Variants in LRP6 observed in about 807,000 individuals in gnomAD.
LRP6 encodes the protein low-density lipoprotein receptor-related protein 6.
In LRP6, 43 loss-of-function variants were observed where a neutral mutation model predicts 184.1. The ratio of observed to expected loss-of-function variants is 0.23; its 90% CI spans 0.18 to 0.30. The LOEUF is 0.30. Ranked by LOEUF, LRP6 falls within the 10% of genes least tolerant of loss-of-function variation. The pLI is 1.00. For synonymous variants in LRP6, 719 were observed against 684.9 expected, an observed-to-expected ratio of 1.05 and a Z score of -0.78; for missense variants, 1,571 against 2,005.3, an observed-to-expected ratio of 0.78 and a Z score of 4.14.
At chr12:12,265,377 T>C (rs1432061824) in intron 1 of LRP6, among the ~76,000 whole-genome samples, 1 of 152,170 alleles carries the variant, frequency 6.6e-6, no homozygotes, top group African/African-American at 2.4e-5. Context: ...GCTGCATTAC[T>C]ACAGAGTAAC....
At chr12:12,215,008 C>G (rs1864303136) in intron 2 of LRP6, among the ~76,000 whole-genome samples, 1 of 152,152 alleles carries the variant, frequency 6.6e-6, no homozygotes, top group African/African-American at 2.4e-5. Context: ...CTATATGAAC[C>G]CTTCGTTTTA....
intron 3 of LRP6, among the ~76,000 whole-genome samples, chr12:12,188,903 G>A (rs1863544393): frequency 6.6e-6 from 1 of 152,082 alleles, no homozygotes; most frequent in Admixed American, 6.6e-5. Flanking sequence ...TGGAAACAGA[G>A]AGAGAACTGA....
rs929317848 is a variant in LRP6 at position 12,194,350 on chromosome 12, C to T, written c.648-7231G>A. On this transcript the variant is annotated intron_variant, in intron 3 of 22. Coordinates refer to ENST00000261349, the MANE Select transcript of LRP6 (RefSeq NM_002336.3). Reference sequence around the variant, plus strand: ...TATAAGGCAAACACTCTTGTAACCACGAATTCACTCAGATGAAGGAAAAAA... The same window carrying T: ...TATAAGGCAAACACTCTTGTAACCATGAATTCACTCAGATGAAGGAAAAAA... Among the ~76,000 whole-genome samples the T allele has an allele frequency of 2.6e-5, 4 of 152,078 alleles. No individual in the cohort carries two copies. In the South Asian group the frequency reaches 8.3e-4, roughly 32 times the overall value.
chr12:12,266,855 C>A lies in LRP6; in HGVS notation c.-120G>T, dbSNP rs904907239. On this transcript the variant is annotated 5_prime_UTR_variant, in exon 1 of 23. Coordinates refer to ENST00000261349, the MANE Select transcript of LRP6 (RefSeq NM_002336.3). ...ACGCTCATACTTCCCAGCTTCCCAG[C>A]GAGAGAAGAAAGAAAGGGGCACGTC... The A allele has an allele frequency of 5.9e-6, 5 of 850,058 alleles. No homozygotes were observed. The highest frequency in any genetic ancestry group is 9.8e-6 in the Non-Finnish European group (5 of 510,946). 52.7% of individuals were successfully genotyped at this position (850,058 alleles called of 1,614,324 possible).
chr12:12,206,098 T>C (rs1001288501), intron 2 of LRP6, among the ~76,000 whole-genome samples: 3 of 152,348 alleles, frequency 2.0e-5, no homozygotes, highest in Admixed American at 6.5e-5. Context: ...CTATCTTATA[T>C]AGCCCAGGTG....
At chr12:12,182,903 T>C (rs1317285623) in intron 5 of LRP6, among the ~76,000 whole-genome samples, 1 of 152,220 alleles carries the variant, frequency 6.6e-6, no homozygotes, top group Non-Finnish European at 1.5e-5. Flanking sequence ...ATATGTACAC[T>C]TGCACTGCTG....
At chr12:12,187,322 A>G (rs1407930968) in intron 3 of LRP6, 2 of 579,924 alleles carry the variant, frequency 3.4e-6, no homozygotes, top group Non-Finnish European at 6.1e-6. Flanking sequence ...AAAGCCCCAA[A>G]CAAGCATTTG....
chr12:12,130,139 G>A (rs990777460), intron 19 of LRP6, among the ~76,000 whole-genome samples: 2 of 151,918 alleles, frequency 1.3e-5, no homozygotes, highest in Non-Finnish European at 2.9e-5. Context: ...AGGCCAAAGT[G>A]GGTGGATTGC....
At chr12:12,135,963 T>C (rs986755354) in intron 16 of LRP6, among the ~76,000 whole-genome samples, 23 of 152,266 alleles carry the variant, frequency 1.5e-4, no homozygotes, top group African/African-American at 5.3e-4. Flanking sequence ...GGCAGGTGGA[T>C]TGCCTGAACT....
At chr12:12,140,786 T>C (rs1218815852) in intron 15 of LRP6, among the ~76,000 whole-genome samples, 1 of 152,036 alleles carries the variant, frequency 6.6e-6, no homozygotes, top group Non-Finnish European at 1.5e-5. Flanking sequence ...GTATTTTTAG[T>C]AGATATGGGG....
intron 3 of LRP6, among the ~76,000 whole-genome samples, chr12:12,195,496 C>T (rs1442568071): frequency 6.6e-6 from 1 of 152,042 alleles, no homozygotes; most frequent in Non-Finnish European, 1.5e-5. Context: ...TATATGCCTT[C>T]TTTTGATACA....
Position 12,244,550 on chromosome 12 carries a change from G to A in LRP6, c.161C>T (p.Ala54Val). 6.2e-7 allele frequency: 1 copy of A among 1,614,158 alleles called. No homozygotes were observed. Among genetic ancestry groups the A allele is most frequent in the Non-Finnish European group, 8.5e-7 (1 of 1,180,030 alleles). Residue 54 changes from alanine to valine, a missense_variant, in exon 2 of 23, where the codon GCT (alanine) becomes GTT (valine). By Grantham distance (64) the Ala-to-Val change is moderately conservative. Coordinates refer to ENST00000261349, the MANE Select transcript of LRP6 (RefSeq NM_002336.3). ...TIVVGGLEDA[A>V]AVDFVFSHGL... is the part of the protein sequence containing the mutation. ...ATGACTAAACACAAAGTCCACCGCA[G>A]CTGCATCCTCCAAGCCTCCAACTAC...
chr12:12,235,048 T>G (rs1864897747), intron 2 of LRP6, among the ~76,000 whole-genome samples: 1 of 152,116 alleles, frequency 6.6e-6, no homozygotes, highest in African/African-American at 2.4e-5. Flanking sequence ...AGAAGAACAC[T>G]TTCCTGAGTA....
rs1320531523 is a variant in LRP6 at position 12,117,205 on chromosome 12, G to A, written c.*3921C>T. The A allele has an allele frequency of 6.6e-6, 1 of 152,008 alleles. No individual in the cohort carries two copies. The highest frequency in any genetic ancestry group is 1.5e-5 in the Non-Finnish European group (1 of 67,988). The allele number at this position is 152,008 out of a possible 1,614,324, so 9.4% of individuals were successfully genotyped here. ...AATACCAAATAAAATTAAATTCCTTGGGTTTAAGAATTCTGATAATGTTTT... is the reference window on the plus strand; with the variant it reads ...AATACCAAATAAAATTAAATTCCTTAGGTTTAAGAATTCTGATAATGTTTT... On this transcript the variant is annotated 3_prime_UTR_variant, in exon 23 of 23. Transcript: ENST00000261349.
intron 12 of LRP6, among the ~76,000 whole-genome samples, chr12:12,157,891 T>C (rs1024216648): frequency 6.6e-6 from 1 of 152,160 alleles, no homozygotes; most frequent in African/African-American, 2.4e-5. Flanking sequence ...AGGTTTCCCC[T>C]AGCCAACAAT....
At chr12:12,132,190 ACTAT>A (rs1949770106) in intron 17 of LRP6, 133 bp from the exon 18 acceptor site, 1 of 710,060 alleles carries the variant, frequency 1.4e-6, no homozygotes, top group South Asian at 1.5e-5. Context: ...ATGATTTATA[ACTAT>A]CTCATCTATT....
intron 15 of LRP6, among the ~76,000 whole-genome samples, chr12:12,139,845 T>G (rs768096955): frequency 6.6e-6 from 1 of 151,944 alleles, no homozygotes; most frequent in Non-Finnish European, 1.5e-5. Flanking sequence ...GGAGAATAGA[T>G]AGACCAGGGA....
At chr12:12,185,308 G>A (rs1236269380) in intron 4 of LRP6, among the ~76,000 whole-genome samples, 2 of 151,948 alleles carry the variant, frequency 1.3e-5, no homozygotes, top group Non-Finnish European at 2.9e-5. Flanking sequence ...AAAAAACAGG[G>A]AAAATTCTCT....
intron 7 of LRP6, among the ~76,000 whole-genome samples, chr12:12,176,208 G>T (rs899799725): frequency 2.0e-5 from 3 of 152,156 alleles, no homozygotes; most frequent in East Asian, 3.8e-4. Context: ...AATCAGGAGG[G>T]GGGGTGGTGG....
Sources: allele counts gnomAD v4.1 joint callset (sites outside exome capture counted in the v4.1 genomes callset), GRCh38; gene constraint gnomAD v4.1.1; transcripts MANE v1.5; gene names NCBI Gene and HGNC (gene_info 2026-07-23, HGNC 2026-07-21).